PKDREJ: variants seen among roughly 807,000 people sequenced by gnomAD.
PKDREJ encodes the protein PKD and REJ homolog.
For missense variants in PKDREJ, 2,507 were observed against 2,807.2 expected (o/e 0.89, Z 2.42); for synonymous variants, 1,031 against 1,095.5 (o/e 0.94, Z 1.16).
Position 46,258,305 on chromosome 22 carries a change from A to G in PKDREJ, c.5018T>C (p.Ile1673Thr), listed in dbSNP as rs1266184683. 6.2e-7 allele frequency: 1 copy of G among 1,614,182 alleles called. No homozygotes were observed. Among genetic ancestry groups the G allele is most frequent in the Non-Finnish European group, 8.5e-7 (1 of 1,180,034 alleles). The change falls in exon 1 of 1, where the codon ATA (isoleucine) becomes ACA (threonine). Residue 1673 changes from isoleucine (I) to threonine (T), a missense_variant. Coordinates refer to ENST00000253255, the MANE Select transcript of PKDREJ (RefSeq NM_006071.2). The surrounding 1 kb of genome is among the most constrained non-coding windows in gnomAD (Gnocchi z 6.1). Reference protein sequence around the residue: ...MRMHPEEMQRIHDQIVRIRGT... With the variant: ...MRMHPEEMQRTHDQIVRIRGT... ...TCGGATTCGGACGATCTGGTCATGT[A>G]TCCTCTGCATTTCTTCTGGATGCAT...
rs1219539781 is a variant in PKDREJ, at chr22:46,258,525, G to A, written c.4798C>T (p.Leu1600=). ...ATTGACTTGTCATAGCCGTAAGTCA[G>A]TCCATAAAATACAATGAAGAATGAG... is the stretch of plus-strand genomic sequence containing the variant. ...ISSFFIVFYG[L]TYGYDKSIEW... is the part of the protein sequence containing the mutation. Residue 1600 remains leucine, a synonymous_variant, in exon 1 of 1, where the codon CTG becomes TTG. Coordinates refer to ENST00000253255, the MANE Select transcript of PKDREJ (RefSeq NM_006071.2). This position sits in a 1 kb window ranked among gnomAD's most constrained non-coding sequence, Gnocchi z 6.1. 4 of 1,614,130 alleles carry A rather than the reference G, an allele frequency of 2.5e-6. No homozygotes were observed. In the East Asian group the frequency reaches 8.9e-5, roughly 36 times the overall value.
rs1454676024 is a variant in PKDREJ at position 46,259,919 on chromosome 22, TTGCAGA to T, written c.3398_3403del (p.Ile1133_Cys1134del). 2 of 1,613,830 alleles carry T rather than the reference TTGCAGA, an allele frequency of 1.2e-6. No homozygotes were observed. Among genetic ancestry groups the T allele is most frequent in the Non-Finnish European group, 1.7e-6 (2 of 1,180,012 alleles). Reference sequence around the variant, plus strand: ...CTGCCGCCTAGCCCTTACTACATTCTTGCAGATGCAGTGCACCTCATACCAGCTGGT... The same window carrying T: ...CTGCCGCCTAGCCCTTACTACATTCTTGCAGTGCACCTCATACCAGCTGGT... On this transcript the variant is annotated inframe_deletion, in exon 1 of 1. Transcript: ENST00000253255. The surrounding 1 kb of genome is among the most constrained non-coding windows in gnomAD (Gnocchi z 6.8).
rs780611213 is a variant in PKDREJ at position 46,259,905 on chromosome 22, C to T, written c.3418G>A (p.Ala1140Thr). 1.2e-6 allele frequency: 2 copies of T among 1,613,818 alleles called. No individual in the cohort carries two copies. Among genetic ancestry groups the T allele is most frequent in the South Asian group, 1.1e-5 (1 of 91,080 alleles). Residue 1140 changes from alanine (A) to threonine (T), a missense_variant, in exon 1 of 1, where the codon GCT becomes ACT. Physicochemically the swap from Ala to Thr is moderately conservative, Grantham distance 58. Coordinates refer to ENST00000253255, the MANE Select transcript of PKDREJ (RefSeq NM_006071.2). The surrounding 1 kb of genome is among the most constrained non-coding windows in gnomAD (Gnocchi z 6.8). ...CCGATTGTGCCCAGCTGCCGCCTAGCCCTTACTACATTCTTGCAGATGCAG... is the reference window on the plus strand; with the variant it reads ...CCGATTGTGCCCAGCTGCCGCCTAGTCCTTACTACATTCTTGCAGATGCAG... ...VHCICKNVVRARRQLGTIGLT... is the reference protein window; with the variant it reads ...VHCICKNVVRTRRQLGTIGLT...
In PKDREJ at chr22:46,261,934, G is replaced by A. The variant is rs759161297; in HGVS notation, c.1389C>T (p.Ile463=). The A allele has an allele frequency of 3.7e-6, 6 of 1,614,128 alleles. No homozygotes were observed. The highest frequency in any genetic ancestry group is 3.3e-5 in the Admixed American group (2 of 60,030). Reference sequence around the variant, plus strand: ...CAATGAAGTTTCTCTCACAATTTTCGATACATGTGATGTGTGCTATGGCTT... The same window carrying A: ...CAATGAAGTTTCTCTCACAATTTTCAATACATGTGATGTGTGCTATGGCTT... The part of the protein sequence containing the change: ...GPKAIAHITC[I]ENCERNFIVS... Residue 463 remains isoleucine, a synonymous_variant, in exon 1 of 1, where the codon ATC becomes ATT. Coordinates refer to ENST00000253255, the MANE Select transcript of PKDREJ (RefSeq NM_006071.2). The surrounding 1 kb of genome is among the most constrained non-coding windows in gnomAD (Gnocchi z 7.1).
At position 46,263,177 on chromosome 22, in the gene PKDREJ, C is replaced by T; in HGVS notation, c.146G>A (p.Gly49Glu). Residue 49 changes from glycine to glutamate, a missense_variant, in exon 1 of 1, where the codon GGG becomes GAG. Coordinates refer to ENST00000253255, the MANE Select transcript of PKDREJ (RefSeq NM_006071.2). This position sits in a 1 kb window ranked among gnomAD's most constrained non-coding sequence, Gnocchi z 9.4. ...GGLLRGAPGL[G>E]VRGGRALLSL... Reference sequence around the variant, plus strand: ...GAGGAGGGCGCGGCCGCCGCGCACCCCGAGGCCCGGGGCGCCCCTGAGGAG... The same window carrying T: ...GAGGAGGGCGCGGCCGCCGCGCACCTCGAGGCCCGGGGCGCCCCTGAGGAG... 1 of 1,286,130 alleles carries T rather than the reference C, an allele frequency of 7.8e-7. No homozygotes were observed. Among genetic ancestry groups the T allele is most frequent in the Non-Finnish European group, 9.8e-7 (1 of 1,020,614 alleles). The allele number at this position is 1,286,130 out of a possible 1,614,324, so 79.7% of individuals were successfully genotyped here.
chr22:46,262,122 G>T lies in PKDREJ; in HGVS notation c.1201C>A (p.Pro401Thr). ...GGCCATTTCAGATTGGCCTGCTCGG[G>T]GTGACAGACTTCCTTGCTCCCCAGG... ...IILGSKEVCH[P>T]EQANLKWPWA... Residue 401 changes from proline to threonine, a missense_variant, in exon 1 of 1, where the codon CCC (proline) becomes ACC (threonine). Coordinates refer to ENST00000253255, the MANE Select transcript of PKDREJ (RefSeq NM_006071.2). This position sits in a 1 kb window ranked among gnomAD's most constrained non-coding sequence, Gnocchi z 8.1. The T allele has an allele frequency of 1.9e-6, 3 of 1,614,192 alleles. No individual in the cohort carries two copies. Among genetic ancestry groups the T allele is most frequent in the Non-Finnish European group, 2.5e-6 (3 of 1,180,040 alleles).
chr22:46,258,410 G>C lies in PKDREJ; in HGVS notation c.4913C>G (p.Thr1638Arg), dbSNP rs370600000. The part of the protein sequence containing the change: ...SKIILLSGFR[T>R]NKPKYCKNLS... ...GTTTTTGCAATACTTGGGTTTATTCGTTCTGAAGCCTGACAGGAGTATAAT... is the reference window on the plus strand; with the variant it reads ...GTTTTTGCAATACTTGGGTTTATTCCTTCTGAAGCCTGACAGGAGTATAAT... Residue 1638 changes from threonine to arginine, a missense_variant, in exon 1 of 1, where the codon ACG becomes AGG. Transcript: ENST00000253255. This position sits in a 1 kb window ranked among gnomAD's most constrained non-coding sequence, Gnocchi z 6.1. The C allele has an allele frequency of 1.2e-6, 2 of 1,613,966 alleles. No individual in the cohort carries two copies. Among genetic ancestry groups the C allele is most frequent in the African/African-American group, 1.3e-5 (1 of 74,922 alleles).
At position 46,258,548 on chromosome 22, in the gene PKDREJ, G is replaced by A. The variant is rs777280232; in HGVS notation, c.4775C>T (p.Ser1592Leu). The A allele has an allele frequency of 1.2e-6, 2 of 1,614,186 alleles. No individual in the cohort carries two copies. Among genetic ancestry groups the A allele is most frequent in the South Asian group, 2.2e-5 (2 of 91,068 alleles). ...CAGTCCATAAAATACAATGAAGAAT[G>A]AGGATATGCTAGAAGTAGCAAAAAC... ...FLVFATSSIS[S>L]FFIVFYGLTY... Residue 1592 changes from serine to leucine, a missense_variant, in exon 1 of 1, where the codon TCA becomes TTA. Ser to Leu is a moderately radical substitution (Grantham distance 145). Transcript: ENST00000253255. This position sits in a 1 kb window ranked among gnomAD's most constrained non-coding sequence, Gnocchi z 6.1.
At position 46,262,164 on chromosome 22, in the gene PKDREJ, C is replaced by T. The variant is rs775113129; in HGVS notation, c.1159G>A (p.Gly387Ser). ...WYCTTDPRNY[G>S]GDRIILGSKE... is the part of the protein sequence containing the mutation. ...CTCCCCAGGATTATTCGATCCCCAC[C>T]GTAGTTTCTGGGATCTGTGGTACAG... Residue 387 changes from glycine to serine, a missense_variant, in exon 1 of 1, where the codon GGT (glycine) becomes AGT (serine). By Grantham distance (56) the Gly-to-Ser change is moderately conservative (BLOSUM62 0). Transcript: ENST00000253255. This position sits in a 1 kb window ranked among gnomAD's most constrained non-coding sequence, Gnocchi z 8.1. 9 of 1,614,198 alleles carry T rather than the reference C, an allele frequency of 5.6e-6. No homozygotes were observed. The highest frequency in any genetic ancestry group is 7.6e-6 in the Non-Finnish European group (9 of 1,180,042).
In PKDREJ at chr22:46,263,248, C is replaced by T; in HGVS notation, c.75G>A (p.Pro25=). ...CGGCGGCTTGTGCCCCGCGAGGAAC[C>T]GGCGGCAGCGGGAGGCGGCCGACGC... ...SLSVGRLPLP[P]VPRGAQAAVS... The change falls in exon 1 of 1, where the codon CCG becomes CCA. Residue 25 remains proline (P), a synonymous_variant. Transcript: ENST00000253255. The surrounding 1 kb of genome is among the most constrained non-coding windows in gnomAD (Gnocchi z 9.4). 2 of 1,467,468 alleles carry T rather than the reference C, an allele frequency of 1.4e-6. No individual in the cohort carries two copies. The highest frequency in any genetic ancestry group is 2.4e-5 in the Admixed American group (1 of 40,924). 90.9% of individuals were successfully genotyped at this position (1,467,468 alleles called of 1,614,324 possible).
At position 46,257,670 on chromosome 22, in the gene PKDREJ, A is replaced by G. The variant is rs757164040; in HGVS notation, c.5653T>C (p.Phe1885Leu). Reference protein sequence around the residue: ...TYGSGGYALYFFPEQQRFNST... With the variant: ...TYGSGGYALYLFPEQQRFNST... ...TTAAACCGCTGCTGTTCTGGAAAAA[A>G]ATAGAGTGCATATCCTCCAGATCCA... Residue 1885 changes from phenylalanine to leucine, a missense_variant, in exon 1 of 1, where the codon TTT (phenylalanine) becomes CTT (leucine). Coordinates refer to ENST00000253255, the MANE Select transcript of PKDREJ (RefSeq NM_006071.2). The surrounding 1 kb of genome is among the most constrained non-coding windows in gnomAD (Gnocchi z 4.7). The G allele has an allele frequency of 1.9e-6, 3 of 1,614,094 alleles. No individual in the cohort carries two copies. The highest frequency in any genetic ancestry group is 2.5e-6 in the Non-Finnish European group (3 of 1,180,034).
In PKDREJ at chr22:46,255,680, C is replaced by T. The variant is rs540956993; in HGVS notation, c.*881G>A. ...TGCAAGGCTCAAAGAAGAAATCTCA[C>T]ATTTAATTCTGATAAAGCTTAAAGT... On this transcript the variant is annotated 3_prime_UTR_variant, in exon 1 of 1. Transcript: ENST00000253255. 1.3e-5 allele frequency: 2 copies of T among 152,350 alleles called. No individual in the cohort carries two copies. Among genetic ancestry groups the T allele is most frequent in the Admixed American group, 1.3e-4 (2 of 15,310 alleles). 9.4% of individuals were successfully genotyped at this position (152,350 alleles called of 1,614,324 possible).
At position 46,260,665 on chromosome 22, in the gene PKDREJ, A is replaced by T. The variant is rs7287371; in HGVS notation, c.2658T>A (p.Tyr886Ter). 6.8e-5 allele frequency: 110 copies of T among 1,614,014 alleles called. No individual in the cohort carries two copies. The highest frequency in any genetic ancestry group is 8.7e-5 in the Non-Finnish European group (103 of 1,179,996). ...RNEKHCRNCFYPTLNVSSVPG... is the reference protein window; with the variant it reads ...RNEKHCRNCF ...GAACACTGCTCACATTGAGTGTTGG[A>T]TAAAAACAATTTCTGCAGTGTTTCT... Residue 886 changes from tyrosine to a stop codon, truncating the protein, a stop_gained, in exon 1 of 1, where the codon TAT becomes TAA. Coordinates refer to ENST00000253255, the MANE Select transcript of PKDREJ (RefSeq NM_006071.2). LOFTEE classifies it low-confidence loss of function (END_TRUNC). This position sits in a 1 kb window ranked among gnomAD's most constrained non-coding sequence, Gnocchi z 4.5.
rs993041979 is a variant in PKDREJ at position 46,259,988 on chromosome 22, C to T, written c.3335G>A (p.Ser1112Asn). 8.7e-6 allele frequency: 14 copies of T among 1,614,060 alleles called. No individual in the cohort carries two copies. Among genetic ancestry groups the T allele is most frequent in the African/African-American group, 5.3e-5 (4 of 74,924 alleles). The part of the protein sequence containing the change: ...VQCLDMYGIQ[S>N]EWREGYCILG... ...AATGCAATAACCCTCTCTCCATTCA[C>T]TCTGGATCCCATACATGTCCAAGCA... Residue 1112 changes from serine (S) to asparagine (N), a missense_variant, in exon 1 of 1, where the codon AGT becomes AAT. By Grantham distance (46) the Ser-to-Asn change is conservative (BLOSUM62 1). Transcript: ENST00000253255. This position sits in a 1 kb window ranked among gnomAD's most constrained non-coding sequence, Gnocchi z 6.8.
In PKDREJ at chr22:46,256,661, A is replaced by G. The variant is rs763588275; in HGVS notation, c.6662T>C (p.Ile2221Thr). ...CTCTGGCTGCCCATACAGCATGTCAATAAAGAACTCAGGCTCATCTTTGGC... is the reference window on the plus strand; with the variant it reads ...CTCTGGCTGCCCATACAGCATGTCAGTAAAGAACTCAGGCTCATCTTTGGC... ...SKAKDEPEFF[I>T]DMLYGQPEKN... Residue 2221 changes from isoleucine (I) to threonine (T), a missense_variant, in exon 1 of 1, where the codon ATT becomes ACT. Transcript: ENST00000253255. This position sits in a 1 kb window ranked among gnomAD's most constrained non-coding sequence, Gnocchi z 5.3. 30 of 1,614,124 alleles carry G rather than the reference A, an allele frequency of 1.9e-5. No homozygotes were observed. Among genetic ancestry groups the G allele is most frequent in the African/African-American group, 5.3e-5 (4 of 74,944 alleles).
At position 46,259,386 on chromosome 22, in the gene PKDREJ, T is replaced by A; in HGVS notation, c.3937A>T (p.Arg1313Ter). The A allele has an allele frequency of 6.2e-7, 1 of 1,614,252 alleles. No homozygotes were observed. Among genetic ancestry groups the A allele is most frequent in the Non-Finnish European group, 8.5e-7 (1 of 1,180,048 alleles). ...EGRSPSWYLS[R>*]IKVENLFSRH... ...CTAAACAGATTTTCCACTTTGATTC[T>A]ACTTAAATACCAGCTAGGCGATCGA... Residue 1313 changes from arginine to a stop codon, truncating the protein, a stop_gained, in exon 1 of 1, where the codon AGA (arginine) becomes TGA (stop). Transcript: ENST00000253255. LOFTEE classifies it low-confidence loss of function (END_TRUNC). This position sits in a 1 kb window ranked among gnomAD's most constrained non-coding sequence, Gnocchi z 6.8.
chr22:46,262,914 C>G lies in PKDREJ; in HGVS notation c.409G>C (p.Gly137Arg). 9.3e-7 allele frequency: 1 copy of G among 1,070,922 alleles called. No individual in the cohort carries two copies. The highest frequency in any genetic ancestry group is 1.1e-6 in the Non-Finnish European group (1 of 886,756). 66.3% of individuals were successfully genotyped at this position (1,070,922 alleles called of 1,614,324 possible). A position where few individuals can be genotyped will look rare whatever the true frequency, so the allele number is the denominator to read the frequency against. The change falls in exon 1 of 1, where the codon GGG becomes CGG. Residue 137 changes from glycine (G) to arginine (R), a missense_variant. Gly to Arg is a moderately radical substitution (Grantham distance 125). Coordinates refer to ENST00000253255, the MANE Select transcript of PKDREJ (RefSeq NM_006071.2). This position sits in a 1 kb window ranked among gnomAD's most constrained non-coding sequence, Gnocchi z 8.1. Reference protein sequence around the residue: ...TWSVRLPRSPGRLAWAFRLRL... With the variant: ...TWSVRLPRSPRRLAWAFRLRL... ...AGGCGGAAGGCCCAGGCCAGGCGCC[C>G]GGGCGAGCGCGGCAGCCGCACGGAC...
rs776344484 is a variant in PKDREJ at position 46,258,736 on chromosome 22, CT to C, written c.4586del (p.Lys1529ArgfsTer16). 12 of 1,614,134 alleles carry C rather than the reference CT, an allele frequency of 7.4e-6. 1 individual carries two copies. The South Asian group carries it at 1.2e-4, about 16-fold the overall frequency. ...TATTTGGCCCGAGGGTCTCCGGGGT[CT>C]TGATTTGTGCTTTCCTATGCCTGTG... ...PKHRHRKAQI[K>X]TPETLGPNTN... is the part of the protein sequence containing the mutation. On this transcript the variant is annotated frameshift_variant, in exon 1 of 1. Transcript: ENST00000253255. LOFTEE classifies it low-confidence loss of function (END_TRUNC). This position sits in a 1 kb window ranked among gnomAD's most constrained non-coding sequence, Gnocchi z 6.1.
rs1001378993 is a variant in PKDREJ, at chr22:46,260,534, C to G, written c.2789G>C (p.Gly930Ala). ...DQENTSVEVSGFRMTGVADNG... is the reference protein window; with the variant it reads ...DQENTSVEVSAFRMTGVADNG... ...ATCTGCAACTCCTGTCATTCTGAATCCAGACACCTCCACCGAAGTGTTTTC... is the reference window on the plus strand; with the variant it reads ...ATCTGCAACTCCTGTCATTCTGAATGCAGACACCTCCACCGAAGTGTTTTC... Residue 930 changes from glycine to alanine, a missense_variant, in exon 1 of 1, where the codon GGA becomes GCA. Transcript: ENST00000253255. The surrounding 1 kb of genome is among the most constrained non-coding windows in gnomAD (Gnocchi z 4.5). 6.2e-7 allele frequency: 1 copy of G among 1,614,142 alleles called. No individual in the cohort carries two copies. Among genetic ancestry groups the G allele is most frequent in the Admixed American group, 1.7e-5 (1 of 60,026 alleles).
Sources: allele counts gnomAD v4.1 joint callset, GRCh38; gene constraint gnomAD v4.1.1; non-coding constraint Gnocchi (gnomAD v3.1); transcripts MANE v1.5; gene names NCBI Gene and HGNC (gene_info 2026-07-23, HGNC 2026-07-21).